DGKQ: variants seen among roughly 807,000 people sequenced by gnomAD.
The protein encoded by DGKQ is diacylglycerol kinase theta, also known as DAG kinase theta.
DGKQ carries 97 observed loss-of-function variants against 104.2 expected under a neutral mutation model. The observed-to-expected ratio is 0.93, with a 90% CI of 0.79 to 1.10. The LOEUF is 1.10. Ranked by LOEUF, DGKQ falls within the 50% of genes least tolerant of loss-of-function variation. DGKQ has a pLI of 0.00. For missense variants in DGKQ, 1,465 were observed against 1,352.1 expected (o/e 1.08, Z -1.31); for synonymous variants, 736 against 595.2 (o/e 1.24, Z -3.44).
intron 15 of DGKQ, among the ~76,000 whole-genome samples, chr4:964,868 C>T (rs550186491): frequency 1.9e-4 from 29 of 152,118 alleles, no homozygotes; most frequent in African/African-American, 6.7e-4. Context: ...GGGTGGAGGC[C>T]TCAGGTGCAG....
chr4:960,381 T>C lies in DGKQ; in HGVS notation c.*239A>G. ...CCCTGCGCCCACCCGGGACACGGGG[T>C]AACACTGCCACCCGCACACCAGTCT... On this transcript the variant is annotated 3_prime_UTR_variant, in exon 23 of 23. Coordinates refer to ENST00000273814, the MANE Select transcript of DGKQ (RefSeq NM_001347.4). 4 of 558,198 alleles carry C rather than the reference T, an allele frequency of 7.2e-6. No individual in the cohort carries two copies. Among genetic ancestry groups the C allele is most frequent in the South Asian group, 6.8e-5 (3 of 44,314 alleles). The allele number at this position is 558,198 out of a possible 1,614,324, so 34.6% of individuals were successfully genotyped here.
Position 967,987 on chromosome 4 carries a change from C to A in DGKQ, c.704G>T (p.Gly235Val). The change falls in exon 6 of 23, where the codon GGC becomes GTC. Residue 235 changes from glycine to valine, a missense_variant. Gly to Val is a moderately radical substitution (Grantham distance 109, BLOSUM62 -3). Transcript: ENST00000273814. ...GACCAGGGAGCGCAGACGCCCGAAGCCACACTCGGGAGCCAGCGCCGCGGA... is the reference window on the plus strand; with the variant it reads ...GACCAGGGAGCGCAGACGCCCGAAGACACACTCGGGAGCCAGCGCCGCGGA... ...LCSAALAPEC[G>V]FGRLRSLVLP... 2 of 1,474,046 alleles carry A rather than the reference C, an allele frequency of 1.4e-6. No individual in the cohort carries two copies. Among genetic ancestry groups the A allele is most frequent in the Non-Finnish European group, 1.8e-6 (2 of 1,121,420 alleles). The allele number at this position is 1,474,046 out of a possible 1,614,324, so 91.3% of individuals were successfully genotyped here.
chr4:967,064 C>G lies in DGKQ; in HGVS notation c.1221-10G>C. Reference sequence around the variant, plus strand: ...GTAGGCCACGCCCACCCTGTGGGGACACAGTCTGAGCTGGAGCTCCCCCCA... The same window carrying G: ...GTAGGCCACGCCCACCCTGTGGGGAGACAGTCTGAGCTGGAGCTCCCCCCA... On this transcript the variant is annotated splice_polypyrimidine_tract_variant and intron_variant, in intron 9 of 22. Coordinates refer to ENST00000273814, the MANE Select transcript of DGKQ (RefSeq NM_001347.4). 6.4e-7 allele frequency: 1 copy of G among 1,550,438 alleles called. No homozygotes were observed. Among genetic ancestry groups the G allele is most frequent in the Non-Finnish European group, 8.7e-7 (1 of 1,146,612 alleles).
rs1711729266 is a variant in DGKQ, at chr4:959,678, G to A, written c.*942C>T. 1 of 152,498 alleles carries A rather than the reference G, an allele frequency of 6.6e-6. No individual in the cohort carries two copies. The highest frequency in any genetic ancestry group is 1.5e-5 in the Non-Finnish European group (1 of 68,232). 9.4% of individuals were successfully genotyped at this position (152,498 alleles called of 1,614,324 possible). A position where few individuals can be genotyped will look rare whatever the true frequency, so the allele number is the denominator to read the frequency against. On this transcript the variant is annotated 3_prime_UTR_variant, in exon 23 of 23. Coordinates refer to ENST00000273814, the MANE Select transcript of DGKQ (RefSeq NM_001347.4). ...CAACAGCGGGCAAGCAGCGTGGAAA[G>A]TGCTAGCGTGGGGTCTGGGGCTGAA...
chr4:965,097 G>A (rs1712197785), intron 15 of DGKQ, 79 bp downstream of exon 15: 3 of 1,094,140 alleles, frequency 2.7e-6, no homozygotes, highest in South Asian at 1.3e-5. Flanking sequence ...TGGCTGTGGG[G>A]CCTGTGCACC....
chr4:969,510 A>G (rs750679475), intron 2 of DGKQ, among the ~76,000 whole-genome samples: 35 of 152,204 alleles, frequency 2.3e-4, no homozygotes, highest in Non-Finnish European at 4.4e-4. Flanking sequence ...CCCAAACTTA[A>G]ACCACACCCG....
At chr4:963,044 C>T (rs924279871) in intron 16 of DGKQ, 95 bp downstream of exon 16, 57 of 1,489,842 alleles carry the variant, frequency 3.8e-5, no homozygotes, top group Admixed American at 6.5e-5. Flanking sequence ...ACGGGATCCC[C>T]GTGGAGCTCC....
chr4:965,424 G>T, intron 14 of DGKQ, 67 bp downstream of exon 14: 1 of 1,567,662 alleles, frequency 6.4e-7, no homozygotes, highest in African/African-American at 1.3e-5. Context: ...TGAGGGCCAG[G>T]GCTGTCCCAC....
At position 967,166 on chromosome 4, in the gene DGKQ, C is replaced by A; in HGVS notation, c.1183G>T (p.Ala395Ser). The change falls in exon 9 of 23, where the codon GCC (alanine) becomes TCC (serine). Residue 395 changes from alanine (A) to serine (S), a missense_variant. Ala to Ser is a moderately conservative substitution (Grantham distance 99). Coordinates refer to ENST00000273814, the MANE Select transcript of DGKQ (RefSeq NM_001347.4). ...GGGTAGATCTTCAGGACCTCCTGGGCCCGCGGCAGAGCCCGGATGACCCAG... is the reference window on the plus strand; with the variant it reads ...GGGTAGATCTTCAGGACCTCCTGGGACCGCGGCAGAGCCCGGATGACCCAG... ...EAWVIRALPR[A>S]QEVLKIYPGW... 6.3e-7 allele frequency: 1 copy of A among 1,598,818 alleles called. No individual in the cohort carries two copies. Among genetic ancestry groups the A allele is most frequent in the Non-Finnish European group, 8.5e-7 (1 of 1,173,412 alleles).
At chr4:962,650 C>T (rs888746253) in intron 17 of DGKQ, 37 bp from the exon 18 acceptor site, 1 of 1,596,202 alleles carries the variant, frequency 6.3e-7, no homozygotes, top group Admixed American at 1.7e-5. Flanking sequence ...CTGTCCACAC[C>T]CACCCGCCCA....
At position 966,979 on chromosome 4, in the gene DGKQ, C is replaced by T. The variant is rs750016111; in HGVS notation, c.1296G>A (p.Pro432=). 5.2e-5 allele frequency: 82 copies of T among 1,564,838 alleles called. No individual in the cohort carries two copies. Among genetic ancestry groups the T allele is most frequent in the Non-Finnish European group, 6.7e-5 (77 of 1,157,690 alleles). ...TARSVVLEVL[P]LLGRQAESPE... Reference sequence around the variant, plus strand: ...GGGTACGCACCTGGCGGCCGAGCAGCGGCAGGACCTCCAGCACCACAGAGC... The same window carrying T: ...GGGTACGCACCTGGCGGCCGAGCAGTGGCAGGACCTCCAGCACCACAGAGC... The change falls in exon 10 of 23, where the codon CCG becomes CCA. Residue 432 remains proline, a synonymous_variant. Coordinates refer to ENST00000273814, the MANE Select transcript of DGKQ (RefSeq NM_001347.4).
chr4:970,557 T>C (rs1013208049), intron 2 of DGKQ, among the ~76,000 whole-genome samples: 19 of 152,200 alleles, frequency 1.2e-4, no homozygotes, highest in Admixed American at 9.2e-4. Context: ...GGTTCACACA[T>C]AGCTGTGAGG....
chr4:961,632 GAGCCTGCCCAT>G, intron 20 of DGKQ, 45 bp downstream of exon 20: 1 of 1,610,692 alleles, frequency 6.2e-7, no homozygotes, highest in South Asian at 1.1e-5. Context: ...GACGAGGGCT[GAGCCTGCCCAT>G]GGCCCCGCCG....
At position 965,267 on chromosome 4, in the gene DGKQ, C is replaced by T; in HGVS notation, c.1643G>A (p.Cys548Tyr). ...SQGAVVLDVA[C>Y]FAEAERLYML... Reference sequence around the variant, plus strand: ...GTACAGCCGCTCGGCCTCCGCAAAGCAGGCAACGTCCAACACTACCGCGCC... The same window carrying T: ...GTACAGCCGCTCGGCCTCCGCAAAGTAGGCAACGTCCAACACTACCGCGCC... The change falls in exon 15 of 23, where the codon TGC becomes TAC. Residue 548 changes from cysteine (C) to tyrosine (Y), a missense_variant. Coordinates refer to ENST00000273814, the MANE Select transcript of DGKQ (RefSeq NM_001347.4). The T allele has an allele frequency of 6.2e-7, 1 of 1,612,654 alleles. No individual in the cohort carries two copies. The highest frequency in any genetic ancestry group is 8.5e-7 in the Non-Finnish European group (1 of 1,179,906).
chr4:968,327 G>C lies in DGKQ; in HGVS notation c.618C>G (p.Ser206=). The C allele has an allele frequency of 7.8e-7, 1 of 1,289,230 alleles. No individual in the cohort carries two copies. The highest frequency in any genetic ancestry group is 1.3e-5 in the South Asian group (1 of 77,314). 79.9% of individuals were successfully genotyped at this position (1,289,230 alleles called of 1,614,324 possible). A position where few individuals can be genotyped will look rare whatever the true frequency, so the allele number is the denominator to read the frequency against. ...AGCGCACGCCGGCCAGCACGTCAGA[G>C]GAGCCGCACGTCTTCCTGCAGACCT... The part of the protein sequence containing the change: ...RCEVCRKTCG[S]SDVLAGVRCE... Residue 206 remains serine (S), a synonymous_variant, in exon 5 of 23, where the codon TCC becomes TCG. Coordinates refer to ENST00000273814, the MANE Select transcript of DGKQ (RefSeq NM_001347.4).
chr4:973,148 A>G (rs1713069089), intron 1 of DGKQ, 64 bp downstream of exon 1: 4 of 1,403,650 alleles, frequency 2.8e-6, no homozygotes, highest in African/African-American at 1.5e-5. Context: ...ACCTCCGCTC[A>G]GGCTCCCGCC....
At position 965,196 on chromosome 4, in the gene DGKQ, G is replaced by A. The variant is rs753184718; in HGVS notation, c.1714C>T (p.Leu572=). Residue 572 remains leucine (L), a synonymous_variant, in exon 15 of 23, where the codon CTG becomes TTG. Coordinates refer to ENST00000273814, the MANE Select transcript of DGKQ (RefSeq NM_001347.4). Reference sequence around the variant, plus strand: ...CTCACCAGCAGGTCGGGGAGCACCAGGGCAGTGAGCAGCCGGCCCCGCACA... The same window carrying A: ...CTCACCAGCAGGTCGGGGAGCACCAAGGCAGTGAGCAGCCGGCCCCGCACA... ...MAVRGRLLTA[L]VLPDLLHAKL... is the part of the protein sequence containing the mutation. 2 of 1,612,464 alleles carry A rather than the reference G, an allele frequency of 1.2e-6. No individual in the cohort carries two copies. The highest frequency in any genetic ancestry group is 1.3e-5 in the African/African-American group (1 of 74,916).
intron 12 of DGKQ, 65 bp from the exon 13 acceptor site, chr4:966,143 C>T: frequency 2.7e-6 from 4 of 1,492,766 alleles, no homozygotes; most frequent in African/African-American, 2.7e-5. Context: ...GGCCCTCTGT[C>T]TCCTCACCCG....
intron 2 of DGKQ, among the ~76,000 whole-genome samples, chr4:970,272 G>A (rs1712826608): frequency 6.6e-6 from 1 of 152,282 alleles, no homozygotes; most frequent in Non-Finnish European, 1.5e-5. Context: ...CCCACCTGCA[G>A]CCTGAACGCA....
Sources: allele counts gnomAD v4.1 joint callset (sites outside exome capture counted in the v4.1 genomes callset), GRCh38; gene constraint gnomAD v4.1.1; transcripts MANE v1.5; gene names NCBI Gene and HGNC (gene_info 2026-07-23, HGNC 2026-07-21).